FRMPD2: variants seen among roughly 807,000 people sequenced by gnomAD.
The protein encoded by FRMPD2 is FERM and PDZ domain-containing protein 2.
A neutral mutation model predicts 140.1 loss-of-function variants in FRMPD2; 96 were observed. The ratio of observed to expected loss-of-function variants is 0.69; its 90% CI spans 0.58 to 0.81. The LOEUF is 0.81. Ranked by LOEUF, FRMPD2 falls within the 40% of genes least tolerant of loss-of-function variation. The probability of loss-of-function intolerance (pLI) is 0.00; values close to 1 mark genes in which losing one functional copy is unlikely to be tolerated. For missense variants in FRMPD2, 1,240 were observed against 1,447.4 expected (o/e 0.86, Z 2.32); for synonymous variants, 449 against 547.6 (o/e 0.82, Z 2.52).
rs139861558 is a variant in FRMPD2 at position 48,225,901 on chromosome 10, T to C, written c.1169-2631A>G. On this transcript the variant is annotated intron_variant, in intron 10 of 28. Transcript: ENST00000374201. ...TGACTTGATTCGAGATCTGGTTTTA[T>C]AGGTCTGAAGGACATGGTCCTTCTT... 3.3e-5 allele frequency among the ~76,000 whole-genome samples: 5 copies of C among 152,320 alleles called. No individual in the cohort carries two copies. The East Asian group carries it at 5.8e-4, about 18-fold the overall frequency.
rs946797880 is a variant in FRMPD2 at position 48,259,286 on chromosome 10, G to A, written c.26-7595C>T. ...TCCTTAAAAATAAAAAGGCAAAAAC[G>A]ATCCCCACTTCCAGATGAGTAAACT... On this transcript the variant is annotated intron_variant, in intron 1 of 28. Transcript: ENST00000374201. Among the ~76,000 whole-genome samples the A allele has an allele frequency of 3.6e-4, 55 of 152,174 alleles. 1 individual carries two copies. Among genetic ancestry groups the A allele is most frequent in the African/African-American group, 1.3e-3 (52 of 41,524 alleles).
chr10:48,262,698 C>T (rs1055021863), intron 1 of FRMPD2, among the ~76,000 whole-genome samples: 12 of 152,154 alleles, frequency 7.9e-5, no homozygotes, highest in Non-Finnish European at 1.6e-4. Context: ...ATATTCTTTG[C>T]AGTTTCACAT....
chr10:48,250,962 A>C (rs1484021690), intron 2 of FRMPD2, among the ~76,000 whole-genome samples: 1 of 131,184 alleles, frequency 7.6e-6, no homozygotes, highest in South Asian at 2.1e-4. Flanking sequence ...ATACCTGGCA[A>C]ATTTTTTTTT....
chr10:48,252,033 GTAACCTACAC>G (rs1408417082), intron 1 of FRMPD2, among the ~76,000 whole-genome samples: 1 of 152,218 alleles, frequency 6.6e-6, no homozygotes. Context: ...GTTGCAGAGA[GTAACCTACAC>G]CTGGGTAGTG....
At chr10:48,249,787 A>T (rs965381872) in intron 2 of FRMPD2, among the ~76,000 whole-genome samples, 2 of 152,166 alleles carry the variant, frequency 1.3e-5, no homozygotes, top group Non-Finnish European at 2.9e-5. Context: ...ATCCTTGGAT[A>T]CCGCTACCTT....
At chr10:48,178,822 G>A (rs1838474499) in intron 21 of FRMPD2, 1 of 152,500 alleles carries the variant, frequency 6.6e-6, no homozygotes. Context: ...ACCTACCAGA[G>A]GAAGGCCTGG....
chr10:48,212,177 A>C, intron 12 of FRMPD2, 68 bp from the exon 13 acceptor site: 1 of 1,500,238 alleles, frequency 6.7e-7, no homozygotes, highest in Non-Finnish European at 9.2e-7. Context: ...AGAGGAATGA[A>C]AACATTATCT....
At chr10:48,198,457 A>C (rs1225721577) in intron 15 of FRMPD2, among the ~76,000 whole-genome samples, 1 of 152,340 alleles carries the variant, frequency 6.6e-6, no homozygotes, top group African/African-American at 2.4e-5. Flanking sequence ...GAAGTGCCCA[A>C]TAGTGTGAAC....
intron 4 of FRMPD2, among the ~76,000 whole-genome samples, chr10:48,244,461 T>C (rs1276046103): frequency 6.6e-6 from 1 of 152,222 alleles, no homozygotes; most frequent in Admixed American, 6.5e-5. Flanking sequence ...CTTTTTAAAA[T>C]ATATGTAAAT....
chr10:48,194,304 G>A (rs565066003), intron 15 of FRMPD2, among the ~76,000 whole-genome samples: 201 of 152,270 alleles, frequency 1.3e-3, no homozygotes, highest in African/African-American at 4.5e-3. Context: ...AAGTGGTAGG[G>A]CAGACTCACA....
At chr10:48,161,800 A>G (rs1837947982) in intron 28 of FRMPD2, among the ~76,000 whole-genome samples, 1 of 151,564 alleles carries the variant, frequency 6.6e-6, no homozygotes, top group Non-Finnish European at 1.5e-5. Context: ...TATATTGAAC[A>G]GGCTGATTTT....
At chr10:48,163,985 G>A (rs558662621) in intron 27 of FRMPD2, among the ~76,000 whole-genome samples, 11 of 151,254 alleles carry the variant, frequency 7.3e-5, no homozygotes, top group South Asian at 4.2e-4. Context: ...TCCACTCTCC[G>A]ATAAGAAATG....
intron 18 of FRMPD2, 86 bp downstream of exon 18, chr10:48,185,467 A>T: frequency 1.1e-6 from 1 of 876,180 alleles, no homozygotes; most frequent in Non-Finnish European, 2.0e-6. Context: ...AAAGGGGAGT[A>T]GGCAAGTTGA....
intron 1 of FRMPD2, among the ~76,000 whole-genome samples, chr10:48,259,322 T>C (rs1482766624): frequency 5.9e-5 from 9 of 152,192 alleles, no homozygotes; most frequent in Non-Finnish European, 1.3e-4. Flanking sequence ...AAGAATTTAA[T>C]TGACTTAAGG....
intron 10 of FRMPD2, among the ~76,000 whole-genome samples, chr10:48,224,901 C>T (rs1023975165): frequency 2.0e-5 from 3 of 152,196 alleles, no homozygotes; most frequent in Non-Finnish European, 2.9e-5. Context: ...TATGAAAGGT[C>T]GAGCAAATAT....
At chr10:48,267,641 C>A (rs1840701023) in intron 1 of FRMPD2, among the ~76,000 whole-genome samples, 1 of 152,252 alleles carries the variant, frequency 6.6e-6, no homozygotes, top group African/African-American at 2.4e-5. Context: ...ACCAACAATC[C>A]AATTTCAAAA....
At chr10:48,244,148 C>A (rs76517274) in intron 4 of FRMPD2, among the ~76,000 whole-genome samples, 1 of 152,158 alleles carries the variant, frequency 6.6e-6, no homozygotes, top group African/African-American at 2.4e-5. Context: ...CCACACCCAG[C>A]TAATTTTTTT....
intron 17 of FRMPD2, among the ~76,000 whole-genome samples, 163 bp from the exon 18 acceptor site, chr10:48,185,808 G>A (rs1000515098): frequency 1.3e-5 from 2 of 152,174 alleles, no homozygotes; most frequent in African/African-American, 2.4e-5. Context: ...CAGCAGTGCT[G>A]GGAATGGACA....
intron 13 of FRMPD2, among the ~76,000 whole-genome samples, chr10:48,211,467 G>C (rs1184873065): frequency 6.6e-6 from 1 of 152,074 alleles, no homozygotes; most frequent in African/African-American, 2.4e-5. Flanking sequence ...CTCCCTGCTT[G>C]GAGGAAAGTG....
Sources: gnomAD v4.1 joint callset for allele counts (sites outside exome capture counted in the v4.1 genomes callset) on GRCh38, gnomAD v4.1.1 for gene constraint, MANE v1.5 for transcripts, NCBI Gene and HGNC (gene_info 2026-07-23, HGNC 2026-07-21) for gene names.